FGD5: variants seen among roughly 807,000 people sequenced by gnomAD.
The protein encoded by FGD5 is FYVE, RhoGEF and PH domain containing 5, also known as FYVE, RhoGEF and PH domain-containing protein 5.
In FGD5, 28 loss-of-function variants were observed where a neutral mutation model predicts 133.4. The observed-to-expected ratio is 0.21, with a 90% CI of 0.16 to 0.29. The LOEUF is 0.29. Among genes scored for constraint, FGD5 ranks in the 10% least tolerant of loss-of-function variants. The probability of loss-of-function intolerance (pLI) is 1.00; values close to 1 mark genes in which losing one functional copy is unlikely to be tolerated. For synonymous variants in FGD5, 810 were observed against 776.5 expected, an observed-to-expected ratio of 1.04 and a Z score of -0.72; for missense variants, 1,858 against 1,895.2, an observed-to-expected ratio of 0.98 and a Z score of 0.36.
At chr3:14,842,324 A>C (rs1407661271) in intron 1 of FGD5, among the ~76,000 whole-genome samples, 1 of 152,204 alleles carries the variant, frequency 6.6e-6, no homozygotes, top group Non-Finnish European at 1.5e-5. Context: ...AGGCACAGGC[A>C]TGGTCACAGA....
At chr3:14,911,204 CAG>C (rs777774559) in intron 11 of FGD5, among the ~76,000 whole-genome samples, 3 of 152,188 alleles carry the variant, frequency 2.0e-5, no homozygotes, top group Non-Finnish European at 4.4e-5. Context: ...ATCTAATGCT[CAG>C]AGAACTGAGG....
chr3:14,820,875 C>G lies in FGD5; in HGVS notation c.1804C>G (p.Pro602Ala). The change falls in exon 1 of 20, where the codon CCG becomes GCG. Residue 602 changes from proline (P) to alanine (A), a missense_variant. Physicochemically the swap from Pro to Ala is conservative, Grantham distance 27. This residue lies in a region of FGD5 where 1,824 missense variants were observed against 1,848.9 expected (regional missense o/e 0.99). Coordinates refer to ENST00000285046, the MANE Select transcript of FGD5 (RefSeq NM_152536.4). ...SGSFSQRNHL[P>A]SSGTSTPSSM... ...GAGTTTCTCCCAGAGAAACCACCTT[C>G]CGTCCAGCGGCACCTCCACGCCTTC... The G allele has an allele frequency of 1.2e-6, 2 of 1,613,692 alleles. No homozygotes were observed. The highest frequency in any genetic ancestry group is 8.5e-7 in the Non-Finnish European group (1 of 1,179,818).
rs1353138989 is a variant in FGD5 at position 14,821,228 on chromosome 3, C to T, written c.2157C>T (p.Pro719=). The change falls in exon 1 of 20, where the codon CCC becomes CCT. Residue 719 remains proline (P), a synonymous_variant. Transcript: ENST00000285046. ...GGAAGCTCCGGGCTTCTGAATCCCC[C>T]TCCTCCCTCATCTTTTATAGAGATG... is the stretch of plus-strand genomic sequence containing the variant. ...RTGKLRASES[P]SSLIFYRDGK... 1 of 1,613,934 alleles carries T rather than the reference C, an allele frequency of 6.2e-7. No individual in the cohort carries two copies. Among genetic ancestry groups the T allele is most frequent in the Non-Finnish European group, 8.5e-7 (1 of 1,179,880 alleles).
chr3:14,832,971 GC>G (rs1156362353), intron 1 of FGD5, among the ~76,000 whole-genome samples: 92 of 152,306 alleles, frequency 6.0e-4, no homozygotes, highest in African/African-American at 2.0e-3. Context: ...CTCGGGATTG[GC>G]CCTTGGAGAA....
chr3:14,920,019 C>T (rs2038643676), intron 13 of FGD5, among the ~76,000 whole-genome samples: 1 of 152,116 alleles, frequency 6.6e-6, no homozygotes, highest in Non-Finnish European at 1.5e-5. Flanking sequence ...GCATTTTCTC[C>T]AGGCCCTCGG....
chr3:14,922,771 C>T lies in FGD5; in HGVS notation c.3807+223C>T, dbSNP rs981270952. On this transcript the variant is annotated intron_variant, in intron 15 of 19. Transcript: ENST00000285046. The surrounding 1 kb of genome is among the most constrained non-coding windows in gnomAD (Gnocchi z 4.1). ...CTCTTCCACACCACCACGTTTTCAACAGAAAACCGTAGCATACGTGGCTAT... is the reference window on the plus strand; with the variant it reads ...CTCTTCCACACCACCACGTTTTCAATAGAAAACCGTAGCATACGTGGCTAT... Among the ~76,000 whole-genome samples, 1 of 152,204 alleles carries T rather than the reference C, an allele frequency of 6.6e-6. No individual in the cohort carries two copies. Among genetic ancestry groups the T allele is most frequent in the African/African-American group, 2.4e-5 (1 of 41,438 alleles).
chr3:14,920,402 A>G (rs562810098), intron 13 of FGD5: 1 of 152,152 alleles, frequency 6.6e-6, no homozygotes, highest in South Asian at 2.1e-4. Flanking sequence ...TATACCTGTA[A>G]TTCCATCAAT....
upstream of FGD5, among the ~76,000 whole-genome samples, chr3:14,815,061 C>T (rs1326264180): frequency 1.3e-5 from 2 of 152,160 alleles, no homozygotes; most frequent in African/African-American, 2.4e-5. Context: ...TCTTCCTCAC[C>T]ATTTCAGTTT....
chr3:14,924,957 G>T (rs1309303074), intron 17 of FGD5, among the ~76,000 whole-genome samples: 1 of 151,824 alleles, frequency 6.6e-6, no homozygotes, highest in Admixed American at 6.6e-5. Flanking sequence ...AAAATCAGCC[G>T]GGTGTGGTGT....
intron 11 of FGD5, among the ~76,000 whole-genome samples, chr3:14,912,380 G>A (rs1017004080): frequency 1.3e-5 from 2 of 152,202 alleles, no homozygotes; most frequent in African/African-American, 2.4e-5. Flanking sequence ...CTGGCTGGTC[G>A]GTTCTGCAGT....
chr3:14,892,682 G>C (rs964573128), intron 4 of FGD5, among the ~76,000 whole-genome samples: 3 of 152,152 alleles, frequency 2.0e-5, no homozygotes, highest in African/African-American at 7.2e-5. Context: ...AGCCAGGCGT[G>C]GCAGCAGGTG....
intron 13 of FGD5, among the ~76,000 whole-genome samples, chr3:14,919,586 C>G (rs1260043336): frequency 6.6e-6 from 1 of 152,172 alleles, no homozygotes; most frequent in Non-Finnish European, 1.5e-5. Flanking sequence ...CCACTGCACT[C>G]CAGCCTGGGC....
At chr3:14,835,582 C>T (rs147273032) in intron 1 of FGD5, among the ~76,000 whole-genome samples, 4 of 152,238 alleles carry the variant, frequency 2.6e-5, no homozygotes, top group Non-Finnish European at 4.4e-5. Flanking sequence ...TTAACGTAGC[C>T]GCCGCATACT....
chr3:14,922,591 G>A lies in FGD5; in HGVS notation c.3807+43G>A, dbSNP rs1004562657. 3.7e-5 allele frequency: 58 copies of A among 1,546,872 alleles called. No homozygotes were observed. Among genetic ancestry groups the A allele is most frequent in the Non-Finnish European group, 4.9e-5 (56 of 1,149,076 alleles). On this transcript the variant is annotated intron_variant, in intron 15 of 19. Transcript: ENST00000285046. This position sits in a 1 kb window ranked among gnomAD's most constrained non-coding sequence, Gnocchi z 4.1. ...GGGTGAGTGTGTGCATGGGGGTGGG[G>A]TGGGGGAAGGGCATGTCCCTGCCCA...
intron 1 of FGD5, among the ~76,000 whole-genome samples, chr3:14,855,004 A>G (rs1010694829): frequency 1.3e-5 from 2 of 152,042 alleles, no homozygotes; most frequent in African/African-American, 4.8e-5. Flanking sequence ...ATCTCTCCCT[A>G]TCCTCACCTT....
intron 2 of FGD5, among the ~76,000 whole-genome samples, chr3:14,865,139 A>C (rs1575216994): frequency 8.9e-6 from 1 of 112,904 alleles, no homozygotes; most frequent in South Asian, 3.1e-4. Context: ...CTGCCAGGCC[A>C]TGCCTGCATG....
intron 12 of FGD5, among the ~76,000 whole-genome samples, chr3:14,918,254 C>G (rs2038599148): frequency 6.6e-6 from 1 of 152,204 alleles, no homozygotes; most frequent in African/African-American, 2.4e-5. Flanking sequence ...TGAGGTGGGA[C>G]AGTGGAGCCG....
intron 9 of FGD5, among the ~76,000 whole-genome samples, chr3:14,904,429 T>C (rs1373297787): frequency 6.6e-6 from 1 of 152,224 alleles, no homozygotes; most frequent in African/African-American, 2.4e-5. Flanking sequence ...TCAAATTGTT[T>C]CAGCTTTGGC....
chr3:14,850,516 C>T (rs2037138932), intron 1 of FGD5, among the ~76,000 whole-genome samples: 1 of 152,162 alleles, frequency 6.6e-6, no homozygotes, highest in Non-Finnish European at 1.5e-5. Context: ...GAGAGACGCC[C>T]TCCCCCTGGG....
Sources: gnomAD v4.1 joint callset for allele counts (sites outside exome capture counted in the v4.1 genomes callset) on GRCh38, gnomAD v4.1.1 for gene constraint, gnomAD v4.1.1 regional missense constraint, Gnocchi (gnomAD v3.1) non-coding constraint, MANE v1.5 for transcripts, NCBI Gene and HGNC (gene_info 2026-07-23, HGNC 2026-07-21) for gene names.